UBQLN1: variants seen among roughly 807,000 people sequenced by gnomAD.
UBQLN1 encodes ubiquilin 1.
In UBQLN1, 13 loss-of-function variants were observed where a neutral mutation model predicts 65.4. The ratio of observed to expected loss-of-function variants is 0.20; its 90% confidence interval spans 0.13 to 0.32. The LOEUF (loss-of-function observed/expected upper bound fraction) is 0.32, where lower values mean the gene tolerates loss of function less well. Among genes scored for constraint, UBQLN1 ranks in the 10% least tolerant of loss-of-function variants. UBQLN1 has a pLI of 1.00. For synonymous variants in UBQLN1, 267 were observed against 247.8 expected, an observed-to-expected ratio of 1.08 and a Z score of -0.73; for missense variants, 561 against 724.0, an observed-to-expected ratio of 0.77 and a Z score of 2.58.
At position 83,664,043 on chromosome 9, in the gene UBQLN1, C is replaced by G. The variant is rs751682745; in HGVS notation, c.1449G>C (p.Gly483=). The part of the protein sequence containing the change: ...LATEAPGLIP[G]FTPGLGALGS... ...CTAATGCCCCCAAGCCAGGAGTAAA[C>G]CTACAGAAAGCACAAATAGGAAATA... The change falls in exon 10 of 11, where the codon GGG becomes GGC. Residue 483 remains glycine, a splice_region_variant and synonymous_variant. Coordinates refer to ENST00000376395, the MANE Select transcript of UBQLN1 (RefSeq NM_013438.5). 6.2e-7 allele frequency: 1 copy of G among 1,611,114 alleles called. No individual in the cohort carries two copies. The highest frequency in any genetic ancestry group is 1.7e-5 in the Admixed American group (1 of 59,218).
At chr9:83,664,961 T>G in intron 9 of UBQLN1, 69 bp downstream of exon 9, 1 of 554,544 alleles carries the variant, frequency 1.8e-6, no homozygotes, top group South Asian at 2.8e-5. Context: ...GGCAGAATAA[T>G]ACTAAATCTG....
At chr9:83,672,617 A>T (rs1831752415) in intron 6 of UBQLN1, among the ~76,000 whole-genome samples, 1 of 152,236 alleles carries the variant, frequency 6.6e-6, no homozygotes, top group African/African-American at 2.4e-5. Flanking sequence ...CTGGTACCCC[A>T]AAACAATTAC....
At chr9:83,702,581 T>C (rs991955461) in intron 1 of UBQLN1, among the ~76,000 whole-genome samples, 2 of 152,226 alleles carry the variant, frequency 1.3e-5, no homozygotes, top group African/African-American at 4.8e-5. Flanking sequence ...ATTTTGATAT[T>C]TTACTTAACT....
intron 1 of UBQLN1, among the ~76,000 whole-genome samples, chr9:83,688,697 C>T (rs1156849266): frequency 6.6e-6 from 1 of 151,970 alleles, no homozygotes; most frequent in Non-Finnish European, 1.5e-5. Context: ...CCCGTCTCTA[C>T]TAAAAATACA....
chr9:83,685,151 G>GA (rs1832018877), intron 2 of UBQLN1, among the ~76,000 whole-genome samples: 2 of 139,430 alleles, frequency 1.4e-5, no homozygotes, highest in Admixed American at 1.6e-4. Flanking sequence ...CACCAAAATA[G>GA]AAGGAATATG....
rs531131473 is a variant in UBQLN1 at position 83,660,040 on chromosome 9, T to C, written c.*1747A>G. On this transcript the variant is annotated 3_prime_UTR_variant, in exon 11 of 11. Coordinates refer to ENST00000376395, the MANE Select transcript of UBQLN1 (RefSeq NM_013438.5). Reference sequence around the variant, plus strand: ...AATTAGTTATGACACTATCCCACACTGAATACCACCATTTGCCAGTACAGA... The same window carrying C: ...AATTAGTTATGACACTATCCCACACCGAATACCACCATTTGCCAGTACAGA... 1.7e-4 allele frequency: 26 copies of C among 152,352 alleles called. No individual in the cohort carries two copies. The highest frequency in any genetic ancestry group is 5.8e-4 in the African/African-American group (24 of 41,580). 9.4% of individuals were successfully genotyped at this position (152,352 alleles called of 1,614,324 possible). A position where few individuals can be genotyped will look rare whatever the true frequency, so the allele number is the denominator to read the frequency against.
chr9:83,664,718 T>C (rs1265890885), intron 9 of UBQLN1, among the ~76,000 whole-genome samples: 2 of 151,828 alleles, frequency 1.3e-5, no homozygotes, highest in Admixed American at 1.3e-4. Context: ...CTGGATAACA[T>C]GGCAAAGCTC....
intron 2 of UBQLN1, among the ~76,000 whole-genome samples, chr9:83,685,615 T>TA (rs376944218): frequency 0.23 from 30,639 of 131,762 alleles, 3,783 homozygotes; most frequent in African/African-American, 0.35. Context: ...CTCTGTCTCT[T>TA]AAAAAAAAAA....
chr9:83,673,379 G>GC (rs1831767340), intron 6 of UBQLN1, among the ~76,000 whole-genome samples: 1 of 150,638 alleles, frequency 6.6e-6, no homozygotes, highest in African/African-American at 2.4e-5. Context: ...TCTCTACTAA[G>GC]AAAAAAAACA....
intron 1 of UBQLN1, among the ~76,000 whole-genome samples, chr9:83,703,952 C>T (rs1480250353): frequency 2.0e-5 from 3 of 152,122 alleles, no homozygotes. Flanking sequence ...TCACTTATTA[C>T]AGCATGTTCA....
At chr9:83,690,047 C>A (rs535403080) in intron 1 of UBQLN1, among the ~76,000 whole-genome samples, 1 of 152,324 alleles carries the variant, frequency 6.6e-6, no homozygotes, top group South Asian at 2.1e-4. Context: ...TAAATCAGTA[C>A]ATTTTGGAAT....
At chr9:83,661,971 T>A (rs757897569) in intron 10 of UBQLN1, 32 bp from the exon 11 acceptor site, 1 of 1,594,962 alleles carries the variant, frequency 6.3e-7, no homozygotes. Context: ...AATCCAACTC[T>A]AAAGGAAGCC....
At chr9:83,664,703 C>T (rs918274024) in intron 9 of UBQLN1, among the ~76,000 whole-genome samples, 1 of 151,918 alleles carries the variant, frequency 6.6e-6, no homozygotes, top group Non-Finnish European at 1.5e-5. Context: ...AAGTTTGAGA[C>T]CAGCCTGGAT....
At chr9:83,698,980 A>G (rs535117002) in intron 1 of UBQLN1, among the ~76,000 whole-genome samples, 3 of 152,266 alleles carry the variant, frequency 2.0e-5, no homozygotes, top group South Asian at 2.1e-4. Flanking sequence ...ACGTTATACT[A>G]AGGGAAATAA....
At chr9:83,677,565 AAAAACAAAAC>A (rs138593223) in intron 6 of UBQLN1, among the ~76,000 whole-genome samples, 152 bp downstream of exon 6, 1 of 151,758 alleles carries the variant, frequency 6.6e-6, no homozygotes, top group Non-Finnish European at 1.5e-5. Flanking sequence ...TCTATCTCAA[AAAAACAAAAC>A]AAAACAAAAC....
At chr9:83,672,019 AT>A (rs1831741115) in intron 6 of UBQLN1, among the ~76,000 whole-genome samples, 1 of 152,224 alleles carries the variant, frequency 6.6e-6, no homozygotes, top group East Asian at 1.9e-4. Flanking sequence ...GTACCTTTAC[AT>A]TATGGAGTTG....
chr9:83,674,854 T>C (rs1587644215), intron 6 of UBQLN1, among the ~76,000 whole-genome samples: 1 of 152,154 alleles, frequency 6.6e-6, no homozygotes, highest in Non-Finnish European at 1.5e-5. Flanking sequence ...TTTTAAAAAG[T>C]TGAGAAATAA....
Position 83,661,524 on chromosome 9 carries a change from C to A in UBQLN1, c.*263G>T, listed in dbSNP as rs1199577703. The A allele has an allele frequency of 6.5e-6, 2 of 308,210 alleles. No individual in the cohort carries two copies. The highest frequency in any genetic ancestry group is 5.6e-5 in the East Asian group (1 of 17,880). The allele number at this position is 308,210 out of a possible 1,614,324, so 19.1% of individuals were successfully genotyped here. A position where few individuals can be genotyped will look rare whatever the true frequency, so the allele number is the denominator to read the frequency against. On this transcript the variant is annotated 3_prime_UTR_variant, in exon 11 of 11. Transcript: ENST00000376395. ...CAGATGCAGGACAAAATCTGGTCACCCAACTATAAAAGGTGATGTTTTTAA... is the reference window on the plus strand; with the variant it reads ...CAGATGCAGGACAAAATCTGGTCACACAACTATAAAAGGTGATGTTTTTAA...
At chr9:83,689,274 T>C (rs1422904979) in intron 1 of UBQLN1, among the ~76,000 whole-genome samples, 1 of 152,250 alleles carries the variant, frequency 6.6e-6, no homozygotes, top group Admixed American at 6.5e-5. Flanking sequence ...CCAAATAGTA[T>C]GCCATTGTAT....
Sources: gnomAD v4.1 joint callset for allele counts (sites outside exome capture counted in the v4.1 genomes callset) on GRCh38, gnomAD v4.1.1 for gene constraint, MANE v1.5 for transcripts, NCBI Gene and HGNC (gene_info 2026-07-23, HGNC 2026-07-21) for gene names.